The following MARCHF1 variants were observed in gnomAD, a reference collection of about 807,000 sequenced individuals.
The protein encoded by MARCHF1 is E3 ubiquitin-protein ligase MARCHF1.
In MARCHF1, 40 loss-of-function variants were observed where a neutral mutation model predicts 54.2. That is an observed-to-expected ratio of 0.74 (90% CI 0.57 to 0.96). MARCHF1 has a LOEUF of 0.96. Among genes scored for constraint, MARCHF1 ranks in the 40% least tolerant of loss-of-function variants. The pLI, the probability that MARCHF1 is intolerant of heterozygous loss-of-function variation, is 0.00. For synonymous variants in MARCHF1, 236 were observed against 236.3 expected (o/e 1.00, Z 0.01); for missense variants, 586 against 656.5 (o/e 0.89, Z 1.17).
In MARCHF1 at chr4:163,789,565, C is replaced by T. The variant is rs1167191254; in HGVS notation, c.111+64456G>A. ...TTTCACATTTAATGTATATTAGAGT[C>T]ATCTGAGGAGCTAGAAAAAGGAGCT... On this transcript the variant is annotated intron_variant, in intron 4 of 9. Transcript: ENST00000514618. Among the ~76,000 whole-genome samples the T allele has an allele frequency of 4.0e-5, 6 of 151,230 alleles. No homozygotes were observed. The South Asian group carries it at 1.0e-3, about 26-fold the overall frequency.
intron 2 of MARCHF1, among the ~76,000 whole-genome samples, chr4:164,012,435 C>CT (rs904837085): frequency 1.3e-4 from 20 of 152,076 alleles, no homozygotes; most frequent in Non-Finnish European, 4.4e-5. Context: ...ATAGATCTAC[C>CT]TTTGGTCAGA....
intron 2 of MARCHF1, among the ~76,000 whole-genome samples, chr4:164,109,537 A>AT (rs1260708446): frequency 5.8e-4 from 87 of 151,240 alleles, no homozygotes; most frequent in African/African-American, 1.8e-3. Context: ...CTATTTCCTT[A>AT]ATTTTTTTTC....
Position 163,802,393 on chromosome 4 carries a change from C to CA in MARCHF1, c.111+51627dup, listed in dbSNP as rs200526106. Among the ~76,000 whole-genome samples the CA allele has an allele frequency of 6.6e-3, 1,007 of 152,196 alleles. 11 individuals are homozygous for CA. The highest frequency in any genetic ancestry group is 0.023 in the African/African-American group (955 of 41,540). On this transcript the variant is annotated intron_variant, in intron 4 of 9. Transcript: ENST00000514618. ...ATTAAAGTGATATGGTAATAAAAGT[C>CA]AAACACATTTCAAAAGCCTGTAATT...
At chr4:164,283,799 G>A (rs1355150876) in intron 1 of MARCHF1, among the ~76,000 whole-genome samples, 1 of 150,918 alleles carries the variant, frequency 6.6e-6, no homozygotes, top group Non-Finnish European at 1.5e-5. Flanking sequence ...ATGCAGGAGG[G>A]AGTGTATACA....
chr4:164,161,539 T>G (rs1476206798), intron 1 of MARCHF1, among the ~76,000 whole-genome samples: 15 of 150,698 alleles, frequency 1.0e-4, no homozygotes, highest in African/African-American at 3.7e-4. Context: ...ATCATCATCA[T>G]CATCATCAGC....
At chr4:164,147,671 A>T (rs1259109221) in intron 1 of MARCHF1, among the ~76,000 whole-genome samples, 4 of 84,676 alleles carry the variant, frequency 4.7e-5, no homozygotes, top group African/African-American at 1.1e-4. Flanking sequence ...GGGGCCTGTT[A>T]TGGGGTGGGG....
intron 1 of MARCHF1, among the ~76,000 whole-genome samples, chr4:164,142,055 G>A (rs948947574): frequency 6.6e-6 from 1 of 152,166 alleles, no homozygotes; most frequent in South Asian, 2.1e-4. Context: ...AAAGAAAGGG[G>A]TGACAGACGG....
intron 1 of MARCHF1, among the ~76,000 whole-genome samples, chr4:164,211,607 C>T (rs1731776549): frequency 6.6e-6 from 1 of 151,756 alleles, no homozygotes; most frequent in Admixed American, 6.6e-5. Context: ...GAGTGTTTGC[C>T]AATACAAGGC....
chr4:163,673,078 G>T (rs545677999), intron 5 of MARCHF1, among the ~76,000 whole-genome samples: 5 of 152,266 alleles, frequency 3.3e-5, no homozygotes, highest in East Asian at 1.9e-4. Flanking sequence ...ATAGTCAAAG[G>T]TTCCAGGGAG....
intron 1 of MARCHF1, among the ~76,000 whole-genome samples, chr4:164,298,068 A>G (rs963686773): frequency 3.3e-5 from 5 of 152,108 alleles, no homozygotes; most frequent in African/African-American, 1.2e-4. Flanking sequence ...AAGAAAAAAA[A>G]CAAAAACACA....
intron 7 of MARCHF1, among the ~76,000 whole-genome samples, chr4:163,591,070 TATTA>T (rs557157039): frequency 2.1e-3 from 309 of 146,102 alleles, no homozygotes; most frequent in African/African-American, 7.3e-3. Context: ...TTCATATGAT[TATTA>T]ATTAATTATT....
chr4:164,311,226 C>T (rs971768053), intron 1 of MARCHF1, among the ~76,000 whole-genome samples: 3 of 152,014 alleles, frequency 2.0e-5, no homozygotes, highest in African/African-American at 7.2e-5. Flanking sequence ...ATGATTACTA[C>T]TCATAATACC....
intron 1 of MARCHF1, among the ~76,000 whole-genome samples, chr4:164,140,311 T>TTG (rs1756500300): frequency 6.6e-6 from 1 of 151,788 alleles, no homozygotes; most frequent in Non-Finnish European, 1.5e-5. Flanking sequence ...TTCTTTTGAA[T>TTG]AAACAAAAAA....
intron 5 of MARCHF1, among the ~76,000 whole-genome samples, chr4:163,671,537 T>A (rs1457637986): frequency 6.6e-6 from 1 of 152,230 alleles, no homozygotes; most frequent in Non-Finnish European, 1.5e-5. Context: ...GTTTTTTGTG[T>A]CTTTGTAGAT....
rs4256199 is a variant in MARCHF1, at chr4:164,377,065, T to A, written c.-323+6805A>T. Among the ~76,000 whole-genome samples, 476 of 152,318 alleles carry A rather than the reference T, an allele frequency of 3.1e-3. 3 individuals carry two copies. The highest frequency in any genetic ancestry group is 0.011 in the African/African-American group (442 of 41,560). ...CAGGCACAAGAATCTATTCCAGGCA[T>A]TCTCCGACTTCCAATCATTGTGTCC... On this transcript the variant is annotated intron_variant, in intron 1 of 9. Transcript: ENST00000514618.
chr4:163,923,754 G>A (rs558500631), intron 3 of MARCHF1, among the ~76,000 whole-genome samples: 3 of 148,412 alleles, frequency 2.0e-5, no homozygotes, highest in Admixed American at 1.4e-4. Context: ...GATTTTGAAG[G>A]TGATAGAATT....
intron 2 of MARCHF1, among the ~76,000 whole-genome samples, chr4:164,091,123 T>C (rs1445129023): frequency 6.6e-6 from 1 of 152,070 alleles, no homozygotes. Flanking sequence ...GTCAATCTGG[T>C]GGCAAATATC....
At chr4:163,833,970 C>T (rs1036223579) in intron 4 of MARCHF1, among the ~76,000 whole-genome samples, 39 of 152,110 alleles carry the variant, frequency 2.6e-4, no homozygotes, top group Admixed American at 2.6e-3. Flanking sequence ...ATGGAGAATC[C>T]TGTCTTTATT....
At chr4:163,865,334 T>A (rs191507022) in intron 3 of MARCHF1, among the ~76,000 whole-genome samples, 21 of 152,028 alleles carry the variant, frequency 1.4e-4, no homozygotes, top group Non-Finnish European at 2.4e-4. Flanking sequence ...GCAAGGATAC[T>A]TGACACAACA....
Sources: gnomAD v4.1 joint callset for allele counts (sites outside exome capture counted in the v4.1 genomes callset) on GRCh38, gnomAD v4.1.1 for gene constraint, MANE v1.5 for transcripts, NCBI Gene and HGNC (gene_info 2026-07-23, HGNC 2026-07-21) for gene names.